Variants in KCNJ16 observed in about 807,000 individuals in gnomAD.
KCNJ16 encodes potassium inwardly rectifying channel subfamily J member 16, also known as inward rectifier potassium channel 16.
Under a neutral mutation model 18.5 loss-of-function variants are expected in KCNJ16, and 15 were observed. The observed-to-expected ratio is 0.81, with a 90% CI of 0.54 to 1.25. The LOEUF (loss-of-function observed/expected upper bound fraction) is 1.25, where lower values mean the gene tolerates loss of function less well. Among genes scored for constraint, KCNJ16 ranks in the 50% most tolerant of loss-of-function variants. The pLI, the probability that KCNJ16 is intolerant of heterozygous loss-of-function variation, is 0.00. For missense variants in KCNJ16, 523 were observed against 525.7 expected, an observed-to-expected ratio of 0.99 and a Z score of 0.05; for synonymous variants, 174 against 186.5, an observed-to-expected ratio of 0.93 and a Z score of 0.55.
At chr17:70,116,644 T>C (rs1398317774) in intron 2 of KCNJ16, among the ~76,000 whole-genome samples, 1 of 152,052 alleles carries the variant, frequency 6.6e-6, no homozygotes, top group Non-Finnish European at 1.5e-5. Context: ...TTAAACACTT[T>C]TACACAAACA....
intron 2 of KCNJ16, among the ~76,000 whole-genome samples, chr17:70,111,980 C>T (rs2073205638): frequency 6.6e-6 from 1 of 152,152 alleles, no homozygotes; most frequent in Admixed American, 6.6e-5. Context: ...TCACCAATCT[C>T]AATGTGTTGC....
At chr17:70,127,946 T>C (rs985083952) in intron 2 of KCNJ16, 1 of 152,230 alleles carries the variant, frequency 6.6e-6, no homozygotes, top group Non-Finnish European at 1.5e-5. Flanking sequence ...ACACTTCATA[T>C]TAACATATCA....
intron 1 of KCNJ16, among the ~76,000 whole-genome samples, chr17:70,082,922 G>C (rs1161982215): frequency 6.6e-6 from 1 of 152,054 alleles, no homozygotes; most frequent in African/African-American, 2.4e-5. Context: ...TTTAAAGTAA[G>C]TAATTCTCCA....
At chr17:70,116,492 C>T (rs2073411674) in intron 2 of KCNJ16, among the ~76,000 whole-genome samples, 1 of 152,158 alleles carries the variant, frequency 6.6e-6, no homozygotes, top group Admixed American at 6.6e-5. Context: ...AGACTATTGT[C>T]ACACATAGCT....
chr17:70,108,711 T>C (rs2143965924), intron 2 of KCNJ16, among the ~76,000 whole-genome samples: 1 of 152,272 alleles, frequency 6.6e-6, no homozygotes, highest in Non-Finnish European at 1.5e-5. Context: ...CACTGGGAAT[T>C]CTCTGTGGCT....
rs562938116 is a variant in KCNJ16, at chr17:70,114,156, A to G, written c.-191+13390A>G. ...TACTTTATTTTCCTTTCCAATAAAG[A>G]TGTCCTGAATTTTCATTGCAACAGC... is the stretch of plus-strand genomic sequence containing the variant. On this transcript the variant is annotated intron_variant, in intron 2 of 3. Transcript: ENST00000392671. 3.3e-5 allele frequency among the ~76,000 whole-genome samples: 5 copies of G among 152,252 alleles called. No homozygotes were observed. The South Asian group carries it at 1.0e-3, about 32-fold the overall frequency.
intron 2 of KCNJ16, among the ~76,000 whole-genome samples, chr17:70,111,232 A>G (rs1381401728): frequency 6.6e-6 from 1 of 152,184 alleles, no homozygotes; most frequent in Non-Finnish European, 1.5e-5. Context: ...TTAGCTTGTT[A>G]ATTTGCAAAA....
intron 1 of KCNJ16, among the ~76,000 whole-genome samples, chr17:70,076,507 C>T (rs1412296143): frequency 1.3e-5 from 2 of 152,090 alleles, no homozygotes; most frequent in African/African-American, 4.8e-5. Flanking sequence ...TGTAATCCTG[C>T]TTGTTTATTT....
intron 1 of KCNJ16, among the ~76,000 whole-genome samples, chr17:70,086,051 T>C (rs2143630276): frequency 6.6e-6 from 1 of 152,286 alleles, no homozygotes; most frequent in Non-Finnish European, 1.5e-5. Context: ...ATGGGGAAAA[T>C]GTCAATAAAA....
intron 1 of KCNJ16, among the ~76,000 whole-genome samples, chr17:70,096,049 A>G (rs1434630877): frequency 1.3e-5 from 2 of 151,488 alleles, no homozygotes; most frequent in African/African-American, 2.4e-5. Context: ...TGTCTGGCTA[A>G]TTTTTTGTAT....
At chr17:70,082,465 T>C (rs1385183834) in intron 1 of KCNJ16, among the ~76,000 whole-genome samples, 1 of 152,190 alleles carries the variant, frequency 6.6e-6, no homozygotes, top group Non-Finnish European at 1.5e-5. Context: ...TACCTGGGAC[T>C]GATTCTAGAG....
intron 2 of KCNJ16, among the ~76,000 whole-genome samples, chr17:70,107,671 A>G (rs752956459): frequency 8.7e-5 from 13 of 149,544 alleles, no homozygotes; most frequent in Admixed American, 2.7e-4. Context: ...CATGACAAAT[A>G]TGGCTCACAA....
chr17:70,087,979 G>A (rs1306682453), intron 1 of KCNJ16, among the ~76,000 whole-genome samples: 4 of 120,998 alleles, frequency 3.3e-5, no homozygotes, highest in Admixed American at 2.2e-4. Context: ...ATAGCGCCAC[G>A]CCACTGCACT....
Position 70,134,558 on chromosome 17 carries a change from A to G in KCNJ16, c.*1214A>G, listed in dbSNP as rs532743011. On this transcript the variant is annotated 3_prime_UTR_variant, in exon 4 of 4. Coordinates refer to ENST00000392671, the MANE Select transcript of KCNJ16 (RefSeq NM_170741.4). ...TTTAGAACATGAGATAAAGTTGTATACTCTACTTTCATGTTAAAATGTTAA... is the reference window on the plus strand; with the variant it reads ...TTTAGAACATGAGATAAAGTTGTATGCTCTACTTTCATGTTAAAATGTTAA... 18 of 166,988 alleles carry G rather than the reference A, an allele frequency of 1.1e-4. No homozygotes were observed. Among genetic ancestry groups the G allele is most frequent in the Non-Finnish European group, 1.9e-4 (13 of 68,092 alleles). The allele number at this position is 166,988 out of a possible 1,614,324, so 10.3% of individuals were successfully genotyped here.
chr17:70,087,435 C>G (rs965202840), intron 1 of KCNJ16, among the ~76,000 whole-genome samples: 1 of 152,078 alleles, frequency 6.6e-6, no homozygotes, highest in African/African-American at 2.4e-5. Flanking sequence ...GGCGCGGTAG[C>G]TCACACCTAT....
At chr17:70,075,461 G>C (rs1208794714) in intron 1 of KCNJ16, 71 bp downstream of exon 1, 3 of 152,092 alleles carry the variant, frequency 2.0e-5, no homozygotes, top group African/African-American at 7.2e-5. Flanking sequence ...ATCTGTGTTT[G>C]GGGAGCAGCA....
At chr17:70,119,330 G>T (rs766806078) in intron 2 of KCNJ16, among the ~76,000 whole-genome samples, 1 of 152,218 alleles carries the variant, frequency 6.6e-6, no homozygotes, top group Non-Finnish European at 1.5e-5. Context: ...GGAGGATGGT[G>T]ACCCTTTGTC....
intron 1 of KCNJ16, among the ~76,000 whole-genome samples, chr17:70,092,904 G>GC (rs1403872923): frequency 6.6e-6 from 1 of 152,088 alleles, no homozygotes; most frequent in Non-Finnish European, 1.5e-5. Context: ...ATTGCATGAT[G>GC]CCCCCCACAT....
intron 3 of KCNJ16, among the ~76,000 whole-genome samples, chr17:70,131,652 C>T (rs1487223275): frequency 6.6e-6 from 1 of 152,178 alleles, no homozygotes; most frequent in Admixed American, 6.5e-5. Flanking sequence ...TTAGCAATTA[C>T]TTTGTTTTCT....
Sources: allele counts gnomAD v4.1 joint callset (sites outside exome capture counted in the v4.1 genomes callset), GRCh38; gene constraint gnomAD v4.1.1; transcripts MANE v1.5; gene names NCBI Gene and HGNC (gene_info 2026-07-23, HGNC 2026-07-21).